The following PARD3 variants were observed in gnomAD, a reference collection of about 807,000 sequenced individuals.
The protein encoded by PARD3 is partitioning defective 3 homolog.
PARD3 carries 75 observed loss-of-function variants against 155.4 expected under a neutral mutation model. That is an observed-to-expected ratio of 0.48 (90% CI 0.40 to 0.58). The LOEUF is 0.58. PARD3 is among the 20% of genes least tolerant of loss of function. The pLI, the probability that PARD3 is intolerant of heterozygous loss-of-function variation, is 0.00. For missense variants in PARD3, 1,642 were observed against 1,721.7 expected (o/e 0.95, Z 0.82); for synonymous variants, 576 against 610.5 (o/e 0.94, Z 0.83).
At chr10:34,134,509 GT>G (rs1318999429) in intron 22 of PARD3, among the ~76,000 whole-genome samples, 1 of 152,252 alleles carries the variant, frequency 6.6e-6, no homozygotes, top group African/African-American at 2.4e-5. Context: ...GACAAAGGGA[GT>G]TGACCGAGTA....
chr10:34,326,555 T>G (rs1835052979), intron 19 of PARD3, among the ~76,000 whole-genome samples: 1 of 152,178 alleles, frequency 6.6e-6, no homozygotes, highest in African/African-American at 2.4e-5. Flanking sequence ...TATGATAAAA[T>G]TATACTTAGT....
intron 21 of PARD3, among the ~76,000 whole-genome samples, chr10:34,270,755 G>A (rs1955574460): frequency 6.6e-6 from 1 of 152,114 alleles, no homozygotes; most frequent in African/African-American, 2.4e-5. Flanking sequence ...TTCATGGGAT[G>A]CATACAGAAA....
At chr10:34,160,354 A>G (rs1949215589) in intron 22 of PARD3, among the ~76,000 whole-genome samples, 1 of 152,232 alleles carries the variant, frequency 6.6e-6, no homozygotes, top group South Asian at 2.1e-4. Flanking sequence ...GCTTCAATTA[A>G]CAAAGCAGAT....
At chr10:34,532,644 T>A (rs2082938621) in intron 2 of PARD3, among the ~76,000 whole-genome samples, 1 of 152,220 alleles carries the variant, frequency 6.6e-6, no homozygotes, top group East Asian at 1.9e-4. Flanking sequence ...TAGATCCTTG[T>A]TCTATGAGAA....
chr10:34,292,168 A>C (rs1956704997), intron 20 of PARD3, among the ~76,000 whole-genome samples: 1 of 152,194 alleles, frequency 6.6e-6, no homozygotes, highest in Non-Finnish European at 1.5e-5. Context: ...ACCCATTCAG[A>C]GGGTAAAATA....
At chr10:34,151,589 A>G (rs1469458460) in intron 22 of PARD3, among the ~76,000 whole-genome samples, 1 of 152,202 alleles carries the variant, frequency 6.6e-6, no homozygotes, top group East Asian at 1.9e-4. Context: ...CTCAAATTCA[A>G]TCCATAAACG....
intron 2 of PARD3, among the ~76,000 whole-genome samples, chr10:34,533,733 G>C (rs1374846786): frequency 6.6e-6 from 1 of 152,004 alleles, no homozygotes; most frequent in Non-Finnish European, 1.5e-5. Context: ...TTGAACCTGG[G>C]AGGCGGAGGT....
At chr10:34,205,922 A>G (rs1213151733) in intron 22 of PARD3, among the ~76,000 whole-genome samples, 2 of 152,200 alleles carry the variant, frequency 1.3e-5, no homozygotes, top group Admixed American at 1.3e-4. Flanking sequence ...ACTAAACTAC[A>G]GCACTTCATG....
At chr10:34,582,942 A>G (rs1362187996) in intron 2 of PARD3, among the ~76,000 whole-genome samples, 1 of 152,188 alleles carries the variant, frequency 6.6e-6, no homozygotes, top group Non-Finnish European at 1.5e-5. Context: ...ACCCTGAACC[A>G]TGAGGTGATA....
intron 22 of PARD3, among the ~76,000 whole-genome samples, chr10:34,260,637 T>A (rs911022677): frequency 6.6e-6 from 1 of 152,134 alleles, no homozygotes; most frequent in Non-Finnish European, 1.5e-5. Flanking sequence ...CAGGCCCAGG[T>A]TGGATGGAGC....
In PARD3 at chr10:34,445,054, C is replaced by A. The variant is rs975226077; in HGVS notation, c.714+5263G>T. On this transcript the variant is annotated intron_variant, in intron 5 of 24. Coordinates refer to ENST00000374788, the MANE Select transcript of PARD3 (RefSeq NM_001184785.2). ...CCCTGGTGTTCCCAAATTGGAAAGG[C>A]AGAGGATTTTTTTTTTTAAGCATAC... Among the ~76,000 whole-genome samples the A allele has an allele frequency of 2.0e-5, 3 of 151,920 alleles. No individual in the cohort carries two copies. The East Asian group carries it at 5.8e-4, about 29-fold the overall frequency.
chr10:34,388,821 T>C (rs933627287), intron 7 of PARD3, among the ~76,000 whole-genome samples: 2 of 152,174 alleles, frequency 1.3e-5, no homozygotes, highest in African/African-American at 2.4e-5. Flanking sequence ...AAAGGAGGCA[T>C]TGGAGTAAGC....
chr10:34,390,118 A>G (rs998679633), intron 7 of PARD3, among the ~76,000 whole-genome samples: 9 of 151,904 alleles, frequency 5.9e-5, no homozygotes, highest in Non-Finnish European at 1.2e-4. Flanking sequence ...TTTTTTCAAA[A>G]GTTATTAAAT....
intron 22 of PARD3, among the ~76,000 whole-genome samples, chr10:34,131,996 A>G (rs1211759866): frequency 6.6e-6 from 1 of 152,160 alleles, no homozygotes; most frequent in African/African-American, 2.4e-5. Flanking sequence ...AGTTTTTTAA[A>G]TATATGAAGT....
chr10:34,138,464 T>C (rs1401134318), intron 22 of PARD3, among the ~76,000 whole-genome samples: 3 of 152,184 alleles, frequency 2.0e-5, no homozygotes, highest in Non-Finnish European at 4.4e-5. Context: ...ATGTGAGTGC[T>C]TTCCTGGAGC....
intron 22 of PARD3, among the ~76,000 whole-genome samples, chr10:34,244,306 T>C (rs1953798947): frequency 6.6e-6 from 1 of 152,200 alleles, no homozygotes; most frequent in Admixed American, 6.5e-5. Context: ...GGATAATATA[T>C]TTCTTACTCA....
intron 22 of PARD3, among the ~76,000 whole-genome samples, chr10:34,219,666 C>T (rs1277163049): frequency 6.6e-6 from 1 of 152,194 alleles, no homozygotes; most frequent in Non-Finnish European, 1.5e-5. Context: ...TAACCTCAGC[C>T]TGCCCCCTGG....
intron 1 of PARD3, among the ~76,000 whole-genome samples, chr10:34,706,993 C>A (rs2094373292): frequency 6.6e-6 from 1 of 151,932 alleles, no homozygotes; most frequent in African/African-American, 2.4e-5. Flanking sequence ...CACCTGTAAT[C>A]CTAGCACTTT....
intron 2 of PARD3, among the ~76,000 whole-genome samples, chr10:34,645,454 C>T (rs1029166407): frequency 5.3e-5 from 8 of 152,146 alleles, no homozygotes; most frequent in Non-Finnish European, 7.3e-5. Flanking sequence ...GATCCACCTG[C>T]CTCAGCCTCC....
Sources: gnomAD v4.1 joint callset for allele counts (sites outside exome capture counted in the v4.1 genomes callset) on GRCh38, gnomAD v4.1.1 for gene constraint, MANE v1.5 for transcripts, NCBI Gene and HGNC (gene_info 2026-07-23, HGNC 2026-07-21) for gene names.